Variants in DPYSL2 observed in about 807,000 individuals in gnomAD.
DPYSL2 encodes the protein dihydropyrimidinase like 2.
A neutral mutation model predicts 69.9 loss-of-function variants in DPYSL2; 13 were observed. That is an observed-to-expected ratio of 0.19 (90% CI 0.12 to 0.30). The LOEUF (loss-of-function observed/expected upper bound fraction) is 0.30. Among genes scored for constraint, DPYSL2 ranks in the 10% least tolerant of loss-of-function variants. DPYSL2 has a pLI of 1.00. For missense variants in DPYSL2, 587 were observed against 918.9 expected, an observed-to-expected ratio of 0.64 and a Z score of 4.67; for synonymous variants, 326 against 359.1, an observed-to-expected ratio of 0.91 and a Z score of 1.04.
Position 26,652,225 on chromosome 8 carries a change from C to A in DPYSL2, c.1597-32C>A. 6.3e-7 allele frequency: 1 copy of A among 1,582,716 alleles called. No individual in the cohort carries two copies. Among genetic ancestry groups the A allele is most frequent in the Non-Finnish European group, 8.6e-7 (1 of 1,161,954 alleles). On this transcript the variant is annotated intron_variant, in intron 11 of 13. Transcript: ENST00000521913. The surrounding 1 kb of genome is among the most constrained non-coding windows in gnomAD (Gnocchi z 6.3). ...GTGGATTGAGTCCAGCCAGAGTGGC[C>A]TGTTCTAGAGTTTACTTTGCCTTCT...
rs1404049590 is a variant in DPYSL2, at chr8:26,652,598, GAGA to G, written c.1776+165_1776+167del. On this transcript the variant is annotated intron_variant, in intron 12 of 13. Coordinates refer to ENST00000521913, the MANE Select transcript of DPYSL2 (RefSeq NM_001197293.3). The surrounding 1 kb of genome is among the most constrained non-coding windows in gnomAD (Gnocchi z 6.3). ...TTTATTCCTGGCATTTAAAATACTG[GAGA>G]AGGAGTCAGTCGTGTCCACAGAGAG... Among the ~76,000 whole-genome samples the G allele has an allele frequency of 6.6e-6, 1 of 152,134 alleles. No homozygotes were observed. The highest frequency in any genetic ancestry group is 6.5e-5 in the Admixed American group (1 of 15,284).
Position 26,658,166 on chromosome 8 carries a change from G to A in DPYSL2, c.*2460G>A, listed in dbSNP as rs1489642956. On this transcript the variant is annotated 3_prime_UTR_variant, in exon 14 of 14. Transcript: ENST00000521913. This position sits in a 1 kb window ranked among gnomAD's most constrained non-coding sequence, Gnocchi z 4.7. ...TGGAACGCCTAATAAAGCAAAATGTGGTTGTTTCAGGGGTGTGTCTGTATT... is the reference window on the plus strand; with the variant it reads ...TGGAACGCCTAATAAAGCAAAATGTAGTTGTTTCAGGGGTGTGTCTGTATT... The A allele has an allele frequency of 6.6e-6, 1 of 152,570 alleles. No homozygotes were observed. The highest frequency in any genetic ancestry group is 6.5e-5 in the Admixed American group (1 of 15,274). 9.5% of individuals were successfully genotyped at this position (152,570 alleles called of 1,614,324 possible).
rs563076198 is a variant in DPYSL2, at chr8:26,540,177, C to T, written c.354+25498C>T. The stretch of plus-strand genomic sequence containing the variant: ...AAGTTCAACAAAGAGATAAAATAAT[C>T]TTAAAACCTCAGAAATTCTGGGGCT... On this transcript the variant is annotated intron_variant, in intron 1 of 13. Coordinates refer to ENST00000521913, the MANE Select transcript of DPYSL2 (RefSeq NM_001197293.3). 1.2e-4 allele frequency among the ~76,000 whole-genome samples: 18 copies of T among 152,210 alleles called. No homozygotes were observed. In the East Asian group the frequency reaches 3.5e-3, roughly 29 times the overall value.
At chr8:26,577,134 G>T (rs972810518) in intron 1 of DPYSL2, 2 of 445,386 alleles carry the variant, frequency 4.5e-6, no homozygotes, top group Non-Finnish European at 9.0e-6. Flanking sequence ...CCGGCTCGGA[G>T]TTGGAAGGGT....
rs1342677836 is a variant in DPYSL2, at chr8:26,582,134, A to T, written c.443+77A>T. On this transcript the variant is annotated intron_variant, in intron 2 of 13. Coordinates refer to ENST00000521913, the MANE Select transcript of DPYSL2 (RefSeq NM_001197293.3). The surrounding 1 kb of genome is among the most constrained non-coding windows in gnomAD (Gnocchi z 4.1). ...CAAGTATTAGATACCATTCGCATCC[A>T]AAGTATCAAACTTCAGGAACATCAG... 1 of 1,191,974 alleles carries T rather than the reference A, an allele frequency of 8.4e-7. No individual in the cohort carries two copies. Among genetic ancestry groups the T allele is most frequent in the African/African-American group, 1.5e-5 (1 of 66,692 alleles). 73.8% of individuals were successfully genotyped at this position (1,191,974 alleles called of 1,614,324 possible).
chr8:26,546,845 C>A (rs986256265), intron 1 of DPYSL2, among the ~76,000 whole-genome samples: 1 of 139,508 alleles, frequency 7.2e-6, no homozygotes, highest in Admixed American at 7.9e-5. Flanking sequence ...GGCGTGAACC[C>A]GAGAGGCGGA....
chr8:26,650,953 T>C lies in DPYSL2; in HGVS notation c.1597-1304T>C, dbSNP rs1225436118. Among the ~76,000 whole-genome samples the C allele has an allele frequency of 6.6e-6, 1 of 152,212 alleles. No homozygotes were observed. The highest frequency in any genetic ancestry group is 1.5e-5 in the Non-Finnish European group (1 of 68,028). On this transcript the variant is annotated intron_variant, in intron 11 of 13. Transcript: ENST00000521913. This position sits in a 1 kb window ranked among gnomAD's most constrained non-coding sequence, Gnocchi z 5.3. ...CAACCCAGTGGCACAAACAAACCCA[T>C]ATCCCCCTAGAAGAACTTGGATTTA...
At chr8:26,567,389 C>T (rs1305035215) in intron 1 of DPYSL2, among the ~76,000 whole-genome samples, 1 of 151,842 alleles carries the variant, frequency 6.6e-6, no homozygotes, top group Non-Finnish European at 1.5e-5. Flanking sequence ...CCCAACTATC[C>T]ATTCATCCAT....
At chr8:26,637,084 G>T (rs117563046) in intron 8 of DPYSL2, among the ~76,000 whole-genome samples, 13 of 152,300 alleles carry the variant, frequency 8.5e-5, no homozygotes, top group South Asian at 8.3e-4. Context: ...TGTGTCTTAT[G>T]GGGTGAGCAG....
rs575556397 is a variant in DPYSL2, at chr8:26,626,842, C to T, written c.855+164C>T. ...ACTGAGCCTTGGAAGAGAGTATGAA[C>T]GCAGTGCCCTGGCCCCCAGCACTGC... On this transcript the variant is annotated intron_variant, in intron 5 of 13. Transcript: ENST00000521913. The surrounding 1 kb of genome is among the most constrained non-coding windows in gnomAD (Gnocchi z 4.3). 5.3e-5 allele frequency among the ~76,000 whole-genome samples: 8 copies of T among 152,216 alleles called. No homozygotes were observed. The highest frequency in any genetic ancestry group is 2.1e-4 in the South Asian group (1 of 4,828).
intron 1 of DPYSL2, among the ~76,000 whole-genome samples, chr8:26,529,253 TATCTATCTATCTATCTATCTATC>T (rs762965009): frequency 2.7e-4 from 41 of 149,178 alleles, no homozygotes; most frequent in Middle Eastern, 3.4e-3. Flanking sequence ...TCTATCTATC[TATCTATCTATCTATCTATCTATC>T]ATCTATCTAT....
intron 8 of DPYSL2, among the ~76,000 whole-genome samples, chr8:26,639,533 C>A (rs1802993801): frequency 1.3e-5 from 2 of 152,188 alleles, no homozygotes; most frequent in Admixed American, 1.3e-4. Context: ...CTCAGCTCTG[C>A]ATCTATGGGA....
At chr8:26,539,518 T>C (rs924037892) in intron 1 of DPYSL2, among the ~76,000 whole-genome samples, 5 of 152,228 alleles carry the variant, frequency 3.3e-5, no homozygotes, top group African/African-American at 9.6e-5. Context: ...GGTACACATG[T>C]AATAAAGGCT....
At chr8:26,553,244 T>C (rs1350242853) in intron 1 of DPYSL2, among the ~76,000 whole-genome samples, 1 of 152,154 alleles carries the variant, frequency 6.6e-6, no homozygotes, top group Non-Finnish European at 1.5e-5. Flanking sequence ...TTATTTTAGG[T>C]TCAGGGGTAC....
chr8:26,606,348 A>G (rs1802106406), intron 3 of DPYSL2, among the ~76,000 whole-genome samples: 1 of 152,226 alleles, frequency 6.6e-6, no homozygotes, highest in Non-Finnish European at 1.5e-5. Context: ...AGACCAGAAG[A>G]AAATACAGAT....
intron 1 of DPYSL2, among the ~76,000 whole-genome samples, chr8:26,569,354 C>CAAAA (rs771471331): frequency 1.9e-5 from 1 of 52,266 alleles, no homozygotes. Context: ...ACCCTATCTC[C>CAAAA]AAAAAAAAAA....
At chr8:26,547,023 AG>A (rs1419833472) in intron 1 of DPYSL2, among the ~76,000 whole-genome samples, 2 of 151,658 alleles carry the variant, frequency 1.3e-5, no homozygotes, top group Non-Finnish European at 2.9e-5. Context: ...TCACAAGGCA[AG>A]ACACTTCACC....
chr8:26,556,592 ATACT>A (rs1259854258), intron 1 of DPYSL2, among the ~76,000 whole-genome samples: 2 of 151,214 alleles, frequency 1.3e-5, no homozygotes, highest in African/African-American at 4.9e-5. Flanking sequence ...TGTACAAAAA[ATACT>A]TAGTTATAAA....
At chr8:26,550,276 G>A (rs1299778354) in intron 1 of DPYSL2, among the ~76,000 whole-genome samples, 1 of 152,140 alleles carries the variant, frequency 6.6e-6, no homozygotes, top group East Asian at 1.9e-4. Context: ...ACCAGAAAAA[G>A]CTAAAAAGGG....
Sources: allele counts gnomAD v4.1 joint callset (sites outside exome capture counted in the v4.1 genomes callset), GRCh38; gene constraint gnomAD v4.1.1; non-coding constraint Gnocchi (gnomAD v3.1); transcripts MANE v1.5; gene names NCBI Gene and HGNC (gene_info 2026-07-23, HGNC 2026-07-21).